PTPN4: variants seen among roughly 807,000 people sequenced by gnomAD.
PTPN4 encodes protein tyrosine phosphatase non-receptor type 4.
A neutral mutation model predicts 135.5 loss-of-function variants in PTPN4; 49 were observed. The ratio of observed to expected loss-of-function variants is 0.36; its 90% CI spans 0.29 to 0.46. The LOEUF is 0.46. PTPN4 is among the 20% of genes least tolerant of loss of function. The pLI, the probability that PTPN4 is intolerant of heterozygous loss-of-function variation, is 1.00. For synonymous variants in PTPN4, 333 were observed against 369.9 expected, an observed-to-expected ratio of 0.90 and a Z score of 1.14; for missense variants, 860 against 1,101.0, an observed-to-expected ratio of 0.78 and a Z score of 3.10.
intron 1 of PTPN4, among the ~76,000 whole-genome samples, chr2:119,782,101 A>T (rs559181264): frequency 6.6e-5 from 10 of 152,156 alleles, no homozygotes; most frequent in Non-Finnish European, 1.2e-4. Flanking sequence ...CACTAGCCAA[A>T]TGTAGCCATT....
intron 18 of PTPN4, among the ~76,000 whole-genome samples, chr2:119,949,697 A>G (rs903708766): frequency 6.6e-6 from 1 of 152,092 alleles, no homozygotes; most frequent in Non-Finnish European, 1.5e-5. Flanking sequence ...TTTTAAATTC[A>G]CCAGATATGG....
chr2:119,833,562 C>T (rs1313948056), intron 2 of PTPN4, among the ~76,000 whole-genome samples: 1 of 152,082 alleles, frequency 6.6e-6, no homozygotes, highest in Non-Finnish European at 1.5e-5. Context: ...ATTGATTACT[C>T]TTGTGTCTTA....
intron 2 of PTPN4, among the ~76,000 whole-genome samples, chr2:119,847,212 CAT>C (rs746837892): frequency 9.0e-5 from 13 of 144,976 alleles, no homozygotes; most frequent in Admixed American, 2.1e-4. Context: ...TATATACACA[CAT>C]ATGGTTTTAT....
chr2:119,952,169 T>A, intron 19 of PTPN4, 40 bp downstream of exon 19: 2 of 1,547,104 alleles, frequency 1.3e-6, no homozygotes, highest in Non-Finnish European at 1.8e-6. Context: ...TATAGTAATT[T>A]ATTACTGTTC....
Position 119,882,520 on chromosome 2 carries a change from G to A in PTPN4, c.484G>A (p.Asp162Asn), listed in dbSNP as rs761451564. ...FAVQSELGDY[D>N]QSENLSGYLS... ...ATTATTAGCTGAACTTGGAGACTAC[G>A]ATCAGTCAGAGAACTTGTCAGGCTA... Residue 162 changes from aspartate to asparagine, a missense_variant, in exon 8 of 27, where the codon GAT (aspartate) becomes AAT (asparagine). Coordinates refer to ENST00000263708, the MANE Select transcript of PTPN4 (RefSeq NM_002830.4). The A allele has an allele frequency of 2.6e-6, 4 of 1,534,602 alleles. No homozygotes were observed. The highest frequency in any genetic ancestry group is 2.3e-5 in the East Asian group (1 of 42,600).
At chr2:119,791,200 G>A (rs1312153328) in intron 1 of PTPN4, 1 of 147,944 alleles carries the variant, frequency 6.8e-6, no homozygotes, top group Non-Finnish European at 1.5e-5. Flanking sequence ...CACAATCTCA[G>A]CTCATTGCAA....
At chr2:119,819,934 T>G (rs1273606289) in intron 2 of PTPN4, among the ~76,000 whole-genome samples, 1 of 152,208 alleles carries the variant, frequency 6.6e-6, no homozygotes, top group African/African-American at 2.4e-5. Context: ...CACCATAGTT[T>G]AGTGCAGGCT....
chr2:119,905,614 A>C (rs1216673411), intron 10 of PTPN4, among the ~76,000 whole-genome samples: 1 of 152,256 alleles, frequency 6.6e-6, no homozygotes, highest in Non-Finnish European at 1.5e-5. Flanking sequence ...GACCAAAGGA[A>C]CCTAATAAAC....
At chr2:119,878,822 A>G (rs189504103) in intron 5 of PTPN4, among the ~76,000 whole-genome samples, 74 of 151,566 alleles carry the variant, frequency 4.9e-4, no homozygotes, top group Admixed American at 5.9e-4. Context: ...GGCCGGGTGC[A>G]GTGGCTCACG....
intron 13 of PTPN4, among the ~76,000 whole-genome samples, chr2:119,930,445 G>C (rs1189536449): frequency 1.3e-5 from 2 of 151,988 alleles, no homozygotes; most frequent in Non-Finnish European, 2.9e-5. Context: ...CTGAAAATTT[G>C]GATATTCATA....
chr2:119,784,357 A>G (rs1443169551), intron 1 of PTPN4, among the ~76,000 whole-genome samples: 2 of 143,520 alleles, frequency 1.4e-5, no homozygotes, highest in Non-Finnish European at 3.0e-5. Context: ...AGCTGGGGCT[A>G]CAGGTGCACA....
chr2:119,973,005 G>T (rs1679558838), intron 26 of PTPN4, among the ~76,000 whole-genome samples: 1 of 151,980 alleles, frequency 6.6e-6, no homozygotes, highest in South Asian at 2.1e-4. Flanking sequence ...TTTTTAAAAA[G>T]ATTTTAATTA....
chr2:119,888,675 A>G (rs1678195041), intron 9 of PTPN4, among the ~76,000 whole-genome samples: 1 of 152,100 alleles, frequency 6.6e-6, no homozygotes, highest in African/African-American at 2.4e-5. Context: ...GATATAATGT[A>G]TTGTATCTGA....
rs568801390 is a variant in PTPN4, at chr2:119,824,724, G to A, written c.138+14733G>A. Among the ~76,000 whole-genome samples, 14 of 152,254 alleles carry A rather than the reference G, an allele frequency of 9.2e-5. 1 individual carries two copies. In the South Asian group the frequency reaches 2.1e-3, roughly 23 times the overall value. ...TTTCTTTGAGATAGAGTCTCGCTATGTCTGCCAGGCTGGAGTGCAGTGGTG... is the reference window on the plus strand; with the variant it reads ...TTTCTTTGAGATAGAGTCTCGCTATATCTGCCAGGCTGGAGTGCAGTGGTG... On this transcript the variant is annotated intron_variant, in intron 2 of 26. Coordinates refer to ENST00000263708, the MANE Select transcript of PTPN4 (RefSeq NM_002830.4).
At chr2:119,877,578 T>C in intron 5 of PTPN4, 36 bp downstream of exon 5, 2 of 1,556,282 alleles carry the variant, frequency 1.3e-6, no homozygotes, top group Non-Finnish European at 1.7e-6. Context: ...GAAAATATTG[T>C]CAAAACTCTA....
chr2:119,871,616 A>G (rs1677911363), intron 3 of PTPN4, among the ~76,000 whole-genome samples: 1 of 152,136 alleles, frequency 6.6e-6, no homozygotes, highest in Non-Finnish European at 1.5e-5. Flanking sequence ...TGGTATGTGA[A>G]CAGAGGCTAC....
In PTPN4 at chr2:119,955,137, GT is replaced by G; in HGVS notation, c.1814-17del. The G allele has an allele frequency of 1.7e-5, 26 of 1,559,722 alleles. No individual in the cohort carries two copies. Among genetic ancestry groups the G allele is most frequent in the Non-Finnish European group, 2.2e-5 (25 of 1,154,828 alleles). Reference sequence around the variant, plus strand: ...TTAAGATTTCCACGTTTTGGGGTTTGTTTGATTTTTTTTTTTTAGCTGTATA... The same window carrying G: ...TTAAGATTTCCACGTTTTGGGGTTTGTTGATTTTTTTTTTTTAGCTGTATA... On this transcript the variant is annotated intron_variant, in intron 19 of 26. Coordinates refer to ENST00000263708, the MANE Select transcript of PTPN4 (RefSeq NM_002830.4).
intron 10 of PTPN4, among the ~76,000 whole-genome samples, chr2:119,901,356 A>AATAACTGTAAG (rs1233254203): frequency 2.0e-5 from 3 of 152,202 alleles, no homozygotes; most frequent in Non-Finnish European, 4.4e-5. Context: ...TCACAACTAA[A>AATAACTGTAAG]ATAACTGTAA....
At chr2:119,873,010 A>T (rs1677935018) in intron 3 of PTPN4, among the ~76,000 whole-genome samples, 1 of 152,146 alleles carries the variant, frequency 6.6e-6, no homozygotes, top group South Asian at 2.1e-4. Flanking sequence ...ATTGATTGAA[A>T]CAAGGTCTTG....
Sources: gnomAD v4.1 joint callset for allele counts (sites outside exome capture counted in the v4.1 genomes callset) on GRCh38, gnomAD v4.1.1 for gene constraint, MANE v1.5 for transcripts, NCBI Gene and HGNC (gene_info 2026-07-23, HGNC 2026-07-21) for gene names.